DCDC1: variants seen among roughly 807,000 people sequenced by gnomAD.
The protein encoded by DCDC1 is doublecortin domain-containing protein 1.
A neutral mutation model predicts 178.3 loss-of-function variants in DCDC1; 200 were observed. That is an observed-to-expected ratio of 1.12 (90% CI 1.00 to 1.26). DCDC1 has a LOEUF of 1.26. Ranked by LOEUF, DCDC1 falls within the 50% of genes most tolerant of loss-of-function variation. DCDC1 has a pLI of 0.00. For missense variants in DCDC1, 1,983 were observed against 1,749.2 expected (o/e 1.13, Z -2.38); for synonymous variants, 690 against 604.8 (o/e 1.14, Z -2.07).
At chr11:31,002,277 G>A (rs1321507936) in intron 20 of DCDC1, among the ~76,000 whole-genome samples, 4 of 152,182 alleles carry the variant, frequency 2.6e-5, no homozygotes, top group African/African-American at 7.2e-5. Context: ...ATGTCAATGT[G>A]AATTTGAATG....
chr11:31,106,108 T>C (rs1475732445), intron 13 of DCDC1, among the ~76,000 whole-genome samples: 1 of 152,230 alleles, frequency 6.6e-6, no homozygotes, highest in Admixed American at 6.5e-5. Context: ...AGCCTTTTTC[T>C]TTCTTCAGAA....
intron 20 of DCDC1, among the ~76,000 whole-genome samples, chr11:31,047,019 C>G (rs7115045): frequency 0.015 from 2,292 of 152,208 alleles, 52 homozygotes; most frequent in African/African-American, 0.051. Context: ...ACAATGTCTT[C>G]CAAACACACA....
chr11:31,281,558 G>A (rs563699352), intron 7 of DCDC1, among the ~76,000 whole-genome samples: 1 of 151,968 alleles, frequency 6.6e-6, no homozygotes, highest in South Asian at 2.1e-4. Context: ...CAACTACATT[G>A]TCTGTTGTTA....
At chr11:31,315,004 G>C (rs1382805983) in intron 3 of DCDC1, among the ~76,000 whole-genome samples, 1 of 151,896 alleles carries the variant, frequency 6.6e-6, no homozygotes, top group East Asian at 1.9e-4. Flanking sequence ...AATCTTTAAG[G>C]TCTAAAAATA....
At chr11:30,904,771 A>C (rs991437453) in intron 31 of DCDC1, 190 bp downstream of exon 31, 1 of 658,672 alleles carries the variant, frequency 1.5e-6, no homozygotes, top group African/African-American at 1.8e-5. Flanking sequence ...AGTTTTTCTA[A>C]GTCTGTATCC....
chr11:31,224,040 A>G (rs1974611144), intron 9 of DCDC1, among the ~76,000 whole-genome samples: 1 of 151,964 alleles, frequency 6.6e-6, no homozygotes, highest in Non-Finnish European at 1.5e-5. Flanking sequence ...TGATGGGTTT[A>G]TCAGGGGTTT....
chr11:30,947,536 A>G (rs1204421472), intron 21 of DCDC1, among the ~76,000 whole-genome samples: 1 of 152,144 alleles, frequency 6.6e-6, no homozygotes, highest in African/African-American at 2.4e-5. Flanking sequence ...CTAGACCCCT[A>G]TTTCTCAACA....
chr11:31,144,012 A>G (rs1269869428), intron 9 of DCDC1, among the ~76,000 whole-genome samples: 1 of 152,242 alleles, frequency 6.6e-6, no homozygotes, highest in Non-Finnish European at 1.5e-5. Flanking sequence ...TAATCAGCAA[A>G]CCAAAACACA....
intron 17 of DCDC1, among the ~76,000 whole-genome samples, chr11:31,089,718 C>G (rs1458751606): frequency 6.6e-6 from 1 of 151,738 alleles, no homozygotes; most frequent in Non-Finnish European, 1.5e-5. Flanking sequence ...TCTAATCTGG[C>G]ATTAGACATG....
chr11:31,198,720 TAGTGAACTGATTA>T (rs1388508165), intron 9 of DCDC1, among the ~76,000 whole-genome samples: 2 of 152,042 alleles, frequency 1.3e-5, no homozygotes, highest in Non-Finnish European at 2.9e-5. Flanking sequence ...TTTCTACCAA[TAGTGAACTGATTA>T]ATGCTATCAC....
chr11:30,882,880 A>G (rs1480309381), intron 36 of DCDC1: 1 of 152,188 alleles, frequency 6.6e-6, no homozygotes, highest in African/African-American at 2.4e-5. Flanking sequence ...CCCTAAATTC[A>G]AAAAATATGA....
chr11:31,216,525 A>G lies in DCDC1; in HGVS notation c.1221+24925T>C, dbSNP rs569158325. Among the ~76,000 whole-genome samples the G allele has an allele frequency of 2.5e-4, 38 of 152,316 alleles. No individual in the cohort carries two copies. The South Asian group carries it at 7.3e-3, about 29-fold the overall frequency. ...ACTACTTAAGAAACCTTACCCGGCC[A>G]TTTAGCCCACTGCAGACCTCAATTC... is the stretch of plus-strand genomic sequence containing the variant. On this transcript the variant is annotated intron_variant, in intron 9 of 38. Coordinates refer to ENST00000684477, the MANE Select transcript of DCDC1 (RefSeq NM_001387274.1).
At chr11:31,313,038 A>G (rs1291003056) in intron 3 of DCDC1, among the ~76,000 whole-genome samples, 1 of 152,018 alleles carries the variant, frequency 6.6e-6, no homozygotes, top group Non-Finnish European at 1.5e-5. Flanking sequence ...ATTTATTTTT[A>G]AAGTATAAAT....
At chr11:31,249,971 C>G (rs889231508) in intron 8 of DCDC1, among the ~76,000 whole-genome samples, 5 of 151,900 alleles carry the variant, frequency 3.3e-5, no homozygotes, top group Non-Finnish European at 7.4e-5. Flanking sequence ...ATTTAATGAA[C>G]AGAGAGAGAG....
intron 20 of DCDC1, among the ~76,000 whole-genome samples, chr11:31,012,181 C>T (rs1048413630): frequency 5.3e-5 from 8 of 152,270 alleles, no homozygotes; most frequent in African/African-American, 7.2e-5. Context: ...GAACCGTAAG[C>T]GAATTAAACT....
At chr11:31,077,669 G>T (rs1014616353) in intron 18 of DCDC1, among the ~76,000 whole-genome samples, 196 bp downstream of exon 18, 2 of 151,934 alleles carry the variant, frequency 1.3e-5, no homozygotes, top group Admixed American at 1.3e-4. Flanking sequence ...TTTGACTTTA[G>T]AAAATGTGTT....
chr11:31,229,586 C>A (rs574812140), intron 9 of DCDC1, among the ~76,000 whole-genome samples: 65 of 152,134 alleles, frequency 4.3e-4, no homozygotes, highest in African/African-American at 1.5e-3. Context: ...AATAATCAGA[C>A]ATGAGACCCA....
At chr11:31,111,959 T>G (rs561299461) in intron 11 of DCDC1, among the ~76,000 whole-genome samples, 1 of 152,282 alleles carries the variant, frequency 6.6e-6, no homozygotes, top group South Asian at 2.1e-4. Context: ...CTCACTACTT[T>G]CTTCACTGCT....
At chr11:31,162,974 C>T (rs1966446191) in intron 9 of DCDC1, among the ~76,000 whole-genome samples, 1 of 152,138 alleles carries the variant, frequency 6.6e-6, no homozygotes, top group African/African-American at 2.4e-5. Context: ...ATACCACTGC[C>T]TTTGACTCCT....
Sources: gnomAD v4.1 joint callset for allele counts (sites outside exome capture counted in the v4.1 genomes callset) on GRCh38, gnomAD v4.1.1 for gene constraint, MANE v1.5 for transcripts, NCBI Gene and HGNC (gene_info 2026-07-23, HGNC 2026-07-21) for gene names.